Variants in ADCY2 observed in about 807,000 individuals in gnomAD.
ADCY2 encodes the protein adenylate cyclase type 2.
A neutral mutation model predicts 125.2 loss-of-function variants in ADCY2; 31 were observed. That is an observed-to-expected ratio of 0.25 (90% CI 0.19 to 0.33). ADCY2 has a LOEUF of 0.33. Ranked by LOEUF, ADCY2 falls within the 10% of genes least tolerant of loss-of-function variation. The pLI is 1.00. For missense variants in ADCY2, 904 were observed against 1,418.2 expected (o/e 0.64, Z 5.82); for synonymous variants, 512 against 548.4 (o/e 0.93, Z 0.93).
At chr5:7,505,956 A>G (rs1048115913) in intron 2 of ADCY2, among the ~76,000 whole-genome samples, 1 of 151,694 alleles carries the variant, frequency 6.6e-6, no homozygotes, top group Non-Finnish European at 1.5e-5. Context: ...CCTTTTATAT[A>G]ACATTTTATT....
At chr5:7,507,995 T>G (rs1307174428) in intron 2 of ADCY2, among the ~76,000 whole-genome samples, 1 of 146,548 alleles carries the variant, frequency 6.8e-6, no homozygotes, top group Non-Finnish European at 1.5e-5. Context: ...AATTTTAAGC[T>G]GACAATTTTT....
At chr5:7,590,835 T>C (rs1456345086) in intron 3 of ADCY2, among the ~76,000 whole-genome samples, 2 of 152,172 alleles carry the variant, frequency 1.3e-5, no homozygotes, top group Non-Finnish European at 2.9e-5. Flanking sequence ...TTAAAAAGTT[T>C]GGTATTAATT....
At chr5:7,612,100 T>G (rs1027975686) in intron 3 of ADCY2, among the ~76,000 whole-genome samples, 3 of 152,154 alleles carry the variant, frequency 2.0e-5, no homozygotes, top group African/African-American at 4.8e-5. Flanking sequence ...CATAATAGTT[T>G]CCATTTTTTT....
intron 4 of ADCY2, among the ~76,000 whole-genome samples, chr5:7,649,860 G>T (rs968086266): frequency 6.6e-6 from 1 of 152,092 alleles, no homozygotes; most frequent in Admixed American, 6.6e-5. Flanking sequence ...CTAGGTAAAT[G>T]ATACTCCATT....
intron 4 of ADCY2, among the ~76,000 whole-genome samples, chr5:7,638,296 A>G (rs1363672986): frequency 2.0e-5 from 3 of 152,238 alleles, no homozygotes; most frequent in Non-Finnish European, 2.9e-5. Flanking sequence ...GAATAAAAAC[A>G]GGAATATTTT....
intron 2 of ADCY2, among the ~76,000 whole-genome samples, chr5:7,447,281 C>T (rs775947512): frequency 9.2e-5 from 14 of 152,156 alleles, no homozygotes; most frequent in South Asian, 4.1e-4. Context: ...CTGGCCTGGA[C>T]GGCCCTGCAC....
chr5:7,535,382 A>G (rs13162527), intron 3 of ADCY2, among the ~76,000 whole-genome samples: 30,585 of 152,152 alleles, frequency 0.2, 3,435 homozygotes, highest in South Asian at 0.34. Flanking sequence ...GACTAAATCT[A>G]GAGTGTTTGA....
Position 7,405,967 on chromosome 5 carries a change from C to A in ADCY2, c.211-8606C>A, listed in dbSNP as rs140778635. Among the ~76,000 whole-genome samples, 1,209 of 152,224 alleles carry A rather than the reference C, an allele frequency of 7.9e-3. 15 individuals are homozygous for A. Among genetic ancestry groups the A allele is most frequent in the African/African-American group, 0.027 (1,140 of 41,538 alleles). On this transcript the variant is annotated intron_variant, in intron 1 of 24. Coordinates refer to ENST00000338316, the MANE Select transcript of ADCY2 (RefSeq NM_020546.3). ...TTGACCTCCCTGGGCTCAAGTTATC[C>A]TCCCATCTCAGCCTCCTGAGTAGCT...
chr5:7,514,705 C>A, intron 2 of ADCY2, among the ~76,000 whole-genome samples: 1 of 152,072 alleles, frequency 6.6e-6, no homozygotes, highest in East Asian at 1.9e-4. Flanking sequence ...GTCTTTATAG[C>A]AAGAGGGAAA....
At chr5:7,660,752 A>C (rs1379965328) in intron 4 of ADCY2, among the ~76,000 whole-genome samples, 1 of 151,122 alleles carries the variant, frequency 6.6e-6, no homozygotes, top group Non-Finnish European at 1.5e-5. Flanking sequence ...TGCTTTACTT[A>C]ATCTGTCAAC....
At chr5:7,630,811 C>T (rs1387164767) in intron 4 of ADCY2, among the ~76,000 whole-genome samples, 1 of 137,856 alleles carries the variant, frequency 7.3e-6, no homozygotes, top group African/African-American at 2.9e-5. Flanking sequence ...TTTTGAGATG[C>T]AGTCTGGCTC....
chr5:7,702,171 C>G (rs1741100748), intron 7 of ADCY2, among the ~76,000 whole-genome samples: 2 of 151,086 alleles, frequency 1.3e-5, no homozygotes, highest in African/African-American at 4.9e-5. Flanking sequence ...GTGGACTGAT[C>G]ACCTGAGGTC....
rs376807914 is a variant in ADCY2, at chr5:7,425,890, T to G, written c.408+11120T>G. On this transcript the variant is annotated intron_variant, in intron 2 of 24. Transcript: ENST00000338316. The stretch of plus-strand genomic sequence containing the variant: ...CCCATTGGAACTGTAATTTTCCTAT[T>G]TGTAGAATGAGTTTGGGTATTAACA... 5.3e-5 allele frequency among the ~76,000 whole-genome samples: 8 copies of G among 152,358 alleles called. No individual in the cohort carries two copies. The East Asian group carries it at 1.5e-3, about 29-fold the overall frequency.
At chr5:7,790,627 A>C (rs1190122886) in intron 20 of ADCY2, among the ~76,000 whole-genome samples, 1 of 152,236 alleles carries the variant, frequency 6.6e-6, no homozygotes, top group African/African-American at 2.4e-5. Context: ...TAAACGAAGA[A>C]GTGTCTGAGA....
intron 3 of ADCY2, among the ~76,000 whole-genome samples, chr5:7,527,299 C>G (rs1421636646): frequency 6.6e-6 from 1 of 152,198 alleles, no homozygotes; most frequent in Non-Finnish European, 1.5e-5. Flanking sequence ...GTGCTTATTT[C>G]ATCGTACATA....
chr5:7,673,674 G>C (rs1013065872), intron 4 of ADCY2, among the ~76,000 whole-genome samples: 2 of 152,138 alleles, frequency 1.3e-5, no homozygotes, highest in Non-Finnish European at 1.5e-5. Flanking sequence ...GGGGAATGAA[G>C]TTGTCCCTGG....
At chr5:7,690,088 A>G (rs7714830) in intron 4 of ADCY2, among the ~76,000 whole-genome samples, 13,913 of 152,244 alleles carry the variant, frequency 0.091, 752 homozygotes, top group East Asian at 0.2. Flanking sequence ...CTCATATGTT[A>G]TCATTTCCTT....
intron 2 of ADCY2, among the ~76,000 whole-genome samples, chr5:7,438,009 A>T (rs945300193): frequency 1.3e-5 from 2 of 152,208 alleles, no homozygotes; most frequent in African/African-American, 2.4e-5. Context: ...CTTGATAAGA[A>T]AAGAAAAGAA....
At chr5:7,411,389 ACAC>A (rs1739710660) in intron 1 of ADCY2, among the ~76,000 whole-genome samples, 1 of 152,214 alleles carries the variant, frequency 6.6e-6, no homozygotes, top group Non-Finnish European at 1.5e-5. Flanking sequence ...GAGGGCAGGC[ACAC>A]CACCAGCCAC....
Sources: allele counts gnomAD v4.1 joint callset (sites outside exome capture counted in the v4.1 genomes callset), GRCh38; gene constraint gnomAD v4.1.1; transcripts MANE v1.5; gene names NCBI Gene and HGNC (gene_info 2026-07-23, HGNC 2026-07-21).